Variants in ARHGEF28 observed in about 807,000 individuals in gnomAD.
ARHGEF28 encodes the protein 190 kDa guanine nucleotide exchange factor.
In ARHGEF28, 152 loss-of-function variants were observed where a neutral mutation model predicts 206.6. The ratio of observed to expected loss-of-function variants is 0.74; its 90% CI spans 0.64 to 0.84. The LOEUF is 0.84. Among genes scored for constraint, ARHGEF28 ranks in the 40% least tolerant of loss-of-function variants. ARHGEF28 has a pLI of 0.00. For synonymous variants in ARHGEF28, 763 were observed against 776.4 expected, an observed-to-expected ratio of 0.98 and a Z score of 0.29; for missense variants, 2,028 against 2,073.2, an observed-to-expected ratio of 0.98 and a Z score of 0.42.
intron 1 of ARHGEF28, among the ~76,000 whole-genome samples, chr5:73,679,670 T>C (rs1187644938): frequency 2.7e-5 from 4 of 146,640 alleles, no homozygotes; most frequent in Non-Finnish European, 4.4e-5. Flanking sequence ...AAAATATCAC[T>C]TTTTTTTCTG....
chr5:73,689,287 A>T (rs906660213), intron 2 of ARHGEF28, among the ~76,000 whole-genome samples: 1 of 152,108 alleles, frequency 6.6e-6, no homozygotes, highest in African/African-American at 2.4e-5. Context: ...TTCTTCTTGG[A>T]GATATAGTAA....
At chr5:73,676,247 T>C (rs924631001) in intron 1 of ARHGEF28, among the ~76,000 whole-genome samples, 2 of 151,492 alleles carry the variant, frequency 1.3e-5, no homozygotes, top group African/African-American at 4.9e-5. Flanking sequence ...ATGTTTTTTT[T>C]TTTTTTAGGC....
intron 3 of ARHGEF28, among the ~76,000 whole-genome samples, chr5:73,751,789 C>G (rs1580567366): frequency 6.6e-6 from 1 of 152,066 alleles, no homozygotes; most frequent in East Asian, 1.9e-4. Flanking sequence ...TTGAATTTCC[C>G]TGGTGACAGC....
chr5:73,909,491 A>T lies in ARHGEF28; in HGVS notation c.4241A>T (p.His1414Leu). 1 of 1,611,856 alleles carries T rather than the reference A, an allele frequency of 6.2e-7. No homozygotes were observed. The highest frequency in any genetic ancestry group is 8.5e-7 in the Non-Finnish European group (1 of 1,179,232). The change falls in exon 34 of 36, where the codon CAC (histidine) becomes CTC (leucine). Residue 1414 changes from histidine to leucine, a missense_variant. This residue lies in a region of ARHGEF28 where 803 missense variants were observed against 768.0 expected (regional missense o/e 1.05). Coordinates refer to ENST00000513042, the MANE Select transcript of ARHGEF28 (RefSeq NM_001177693.2). ...LQQQEGLSLG[H>L]SILRGGPLQD... ...CAGCAGGAGGGCCTGTCTCTCGGCC[A>T]CTCTATCCTCCGAGGCGGCCCCTTG...
chr5:73,881,497 CAT>C (rs764592625), intron 22 of ARHGEF28, among the ~76,000 whole-genome samples: 11 of 152,030 alleles, frequency 7.2e-5, no homozygotes, highest in Non-Finnish European at 1.6e-4. Flanking sequence ...TACTATGAGT[CAT>C]ATATGTGTTT....
At chr5:73,781,913 C>T (rs1260344588) in intron 7 of ARHGEF28, among the ~76,000 whole-genome samples, 2 of 151,916 alleles carry the variant, frequency 1.3e-5, no homozygotes, top group Admixed American at 1.3e-4. Flanking sequence ...ACACAAAATA[C>T]CTGTTAATGT....
At chr5:73,741,341 A>ATGTGTGTGTGTG (rs369851573) in intron 2 of ARHGEF28, among the ~76,000 whole-genome samples, 1 of 66,172 alleles carries the variant, frequency 1.5e-5, no homozygotes, top group Non-Finnish European at 2.7e-5. Context: ...TTAAATTTAT[A>ATGTGTGTGTGTG]TGTGTGTGTG....
chr5:73,882,507 A>T lies in ARHGEF28; in HGVS notation c.2850A>T (p.Ile950=). 1 of 1,481,220 alleles carries T rather than the reference A, an allele frequency of 6.8e-7. No individual in the cohort carries two copies. Among genetic ancestry groups the T allele is most frequent in the Non-Finnish European group, 9.1e-7 (1 of 1,098,856 alleles). 91.8% of individuals were successfully genotyped at this position (1,481,220 alleles called of 1,614,324 possible). ...SEENASKMKK[I]YGEFCCHHKE... ...AAAATGCAAGTAAAATGAAGAAAATATATGGAGAATTCTGTTGCCATCATA... is the reference window on the plus strand; with the variant it reads ...AAAATGCAAGTAAAATGAAGAAAATTTATGGAGAATTCTGTTGCCATCATA... Residue 950 remains isoleucine (I), a synonymous_variant, in exon 23 of 36, where the codon ATA becomes ATT. Transcript: ENST00000513042.
chr5:73,745,842 T>C (rs1185581215), intron 2 of ARHGEF28, among the ~76,000 whole-genome samples: 1 of 152,016 alleles, frequency 6.6e-6, no homozygotes, highest in Non-Finnish European at 1.5e-5. Flanking sequence ...AAAGGCAAAG[T>C]TTGTAGGTGA....
chr5:73,676,669 C>T (rs567744706), intron 1 of ARHGEF28, among the ~76,000 whole-genome samples: 2 of 152,246 alleles, frequency 1.3e-5, no homozygotes, highest in South Asian at 4.1e-4. Context: ...TCTTTGAGAC[C>T]TTTGTCTTAT....
intron 35 of ARHGEF28, among the ~76,000 whole-genome samples, chr5:73,922,191 T>G (rs1763558028): frequency 6.6e-6 from 1 of 152,250 alleles, no homozygotes; most frequent in African/African-American, 2.4e-5. Context: ...CTATAAGTTT[T>G]CGCCTCATTC....
intron 15 of ARHGEF28, 135 bp from the exon 16 acceptor site, chr5:73,857,952 C>T: frequency 7.1e-7 from 1 of 1,401,490 alleles, no homozygotes; most frequent in Non-Finnish European, 9.6e-7. Flanking sequence ...TATGGTGTCC[C>T]TCTGTGTGCA....
At position 73,883,750 on chromosome 5, in the gene ARHGEF28, AG is replaced by A. The variant is rs1761096427; in HGVS notation, c.2938-16del. The A allele has an allele frequency of 2.0e-6, 3 of 1,490,716 alleles. No homozygotes were observed. The highest frequency in any genetic ancestry group is 2.8e-5 in the African/African-American group (2 of 71,054). The allele number at this position is 1,490,716 out of a possible 1,614,324, so 92.3% of individuals were successfully genotyped here. On this transcript the variant is annotated splice_polypyrimidine_tract_variant and intron_variant, in intron 23 of 35. Transcript: ENST00000513042. Reference sequence around the variant, plus strand: ...TACAGGTAGAATTTGTGTACATAAAAGTATATATTTTTTAAGCTCCGAAATA... The same window carrying A: ...TACAGGTAGAATTTGTGTACATAAAATATATATTTTTTAAGCTCCGAAATA...
At chr5:73,895,574 G>A (rs185615952) in intron 29 of ARHGEF28, among the ~76,000 whole-genome samples, 30 of 152,308 alleles carry the variant, frequency 2.0e-4, no homozygotes, top group Non-Finnish European at 4.1e-4. Flanking sequence ...GGGCTTGGGA[G>A]ATAAACCAGC....
chr5:73,672,203 G>T (rs1042988566), intron 1 of ARHGEF28, among the ~76,000 whole-genome samples: 6 of 152,140 alleles, frequency 3.9e-5, no homozygotes, highest in African/African-American at 1.4e-4. Context: ...CACAAATGTA[G>T]TATGTGTGTT....
Position 73,911,412 on chromosome 5 carries a change from A to G in ARHGEF28, c.4785A>G (p.Thr1595=). 1 of 1,613,998 alleles carries G rather than the reference A, an allele frequency of 6.2e-7. No homozygotes were observed. Among genetic ancestry groups the G allele is most frequent in the Non-Finnish European group, 8.5e-7 (1 of 1,179,894 alleles). Residue 1595 remains threonine (T), a synonymous_variant, in exon 35 of 36, where the codon ACA becomes ACG. Coordinates refer to ENST00000513042, the MANE Select transcript of ARHGEF28 (RefSeq NM_001177693.2). The part of the protein sequence containing the change: ...SVIHQDATYP[T]TQSHSDLVRT... ...TCCATCAGGATGCCACTTACCCTAC[A>G]ACTCAATCTCATTCTGACTTGGTGA...
intron 10 of ARHGEF28, among the ~76,000 whole-genome samples, chr5:73,833,936 G>A (rs1757451405): frequency 6.6e-6 from 1 of 151,936 alleles, no homozygotes; most frequent in African/African-American, 2.4e-5. Flanking sequence ...TTGACACATG[G>A]GAATTATTAT....
At chr5:73,654,099 T>A (rs1479653240) in intron 1 of ARHGEF28, among the ~76,000 whole-genome samples, 3 of 152,176 alleles carry the variant, frequency 2.0e-5, no homozygotes, top group Non-Finnish European at 4.4e-5. Flanking sequence ...AGTGGACCCC[T>A]GCTTAAGCAT....
At chr5:73,883,166 C>A (rs941940952) in intron 23 of ARHGEF28, among the ~76,000 whole-genome samples, 3 of 152,016 alleles carry the variant, frequency 2.0e-5, no homozygotes, top group African/African-American at 7.2e-5. Context: ...TATCCCACCC[C>A]TTTTTTCTTC....
Sources: gnomAD v4.1 joint callset for allele counts (sites outside exome capture counted in the v4.1 genomes callset) on GRCh38, gnomAD v4.1.1 for gene constraint, gnomAD v4.1.1 regional missense constraint, MANE v1.5 for transcripts, NCBI Gene and HGNC (gene_info 2026-07-23, HGNC 2026-07-21) for gene names.